Variants in PHF14 observed in about 807,000 individuals in gnomAD.
The protein encoded by PHF14 is PHD finger protein 14.
PHF14 carries 55 observed loss-of-function variants against 117.9 expected under a neutral mutation model. The observed-to-expected ratio is 0.47, with a 90% CI of 0.38 to 0.58. The LOEUF (loss-of-function observed/expected upper bound fraction) is 0.58. PHF14 is among the 20% of genes least tolerant of loss of function. PHF14 has a pLI of 0.00. For synonymous variants in PHF14, 409 were observed against 368.6 expected, an observed-to-expected ratio of 1.11 and a Z score of -1.26; for missense variants, 978 against 1,122.2, an observed-to-expected ratio of 0.87 and a Z score of 1.84.
At chr7:11,154,730 T>A (rs186778984) in intron 17 of PHF14, among the ~76,000 whole-genome samples, 19 of 152,278 alleles carry the variant, frequency 1.2e-4, no homozygotes, top group African/African-American at 4.3e-4. Flanking sequence ...AAAATGCTAA[T>A]CAGATGCCCG....
At chr7:11,096,429 A>G (rs1786869843) in intron 16 of PHF14, among the ~76,000 whole-genome samples, 1 of 152,176 alleles carries the variant, frequency 6.6e-6, no homozygotes, top group African/African-American at 2.4e-5. Flanking sequence ...ACTAGCATCA[A>G]ATATATTTTT....
intron 16 of PHF14, among the ~76,000 whole-genome samples, chr7:11,092,006 A>T (rs1016217619): frequency 6.6e-6 from 1 of 152,156 alleles, no homozygotes; most frequent in Admixed American, 6.5e-5. Flanking sequence ...ACTCCAGAGA[A>T]ATTTAATTAC....
intron 5 of PHF14, among the ~76,000 whole-genome samples, chr7:11,015,815 G>A (rs1783515074): frequency 6.7e-6 from 1 of 149,792 alleles, no homozygotes; most frequent in South Asian, 2.1e-4. Flanking sequence ...ATTAGCTCAT[G>A]CATAGATTTT....
intron 7 of PHF14, among the ~76,000 whole-genome samples, chr7:11,032,649 G>A (rs1184020546): frequency 2.0e-5 from 3 of 152,174 alleles, no homozygotes; most frequent in Non-Finnish European, 4.4e-5. Context: ...GGGCATTCCA[G>A]TTTGCCACAG....
At chr7:11,155,200 A>G (rs1273181782) in intron 17 of PHF14, among the ~76,000 whole-genome samples, 3 of 152,178 alleles carry the variant, frequency 2.0e-5, no homozygotes, top group African/African-American at 7.2e-5. Context: ...CATTTTATAG[A>G]TGAGAAAACT....
At chr7:10,977,895 A>G (rs1249751723) in intron 2 of PHF14, among the ~76,000 whole-genome samples, 1 of 152,174 alleles carries the variant, frequency 6.6e-6, no homozygotes, top group Non-Finnish European at 1.5e-5. Context: ...TGGGTGTATG[A>G]TAGGAGACTT....
rs572767682 is a variant in PHF14, at chr7:11,057,138, G to C, written c.2482-4653G>C. On this transcript the variant is annotated intron_variant, in intron 14 of 17. Coordinates refer to ENST00000634607, the MANE Select transcript of PHF14 (RefSeq NM_001007157.2). ...GTTAAATTTAGTGACCTGGTCACAAGTGAATATGTGAAGCCTAGTTTACTG... is the reference window on the plus strand; with the variant it reads ...GTTAAATTTAGTGACCTGGTCACAACTGAATATGTGAAGCCTAGTTTACTG... Among the ~76,000 whole-genome samples, 146 of 152,256 alleles carry C rather than the reference G, an allele frequency of 9.6e-4. 1 individual carries two copies. The highest frequency in any genetic ancestry group is 3.1e-3 in the African/African-American group (130 of 41,556).
intron 16 of PHF14, among the ~76,000 whole-genome samples, chr7:11,065,052 G>A (rs1785378395): frequency 6.6e-6 from 1 of 151,966 alleles, no homozygotes; most frequent in Middle Eastern, 3.2e-3. Flanking sequence ...TACATGTCCT[G>A]TTGTATATAA....
intron 17 of PHF14, among the ~76,000 whole-genome samples, chr7:11,161,698 A>AAAAATATTATATTTTATTTAAAT (rs1789033172): frequency 6.8e-6 from 1 of 147,926 alleles, no homozygotes; most frequent in African/African-American, 2.5e-5. Flanking sequence ...TTATTTAAAT[A>AAAAATATTATATTTTATTTAAAT]AAAATATTAT....
At chr7:11,166,639 A>G (rs1789208909) in intron 17 of PHF14, among the ~76,000 whole-genome samples, 2 of 152,170 alleles carry the variant, frequency 1.3e-5, no homozygotes, top group African/African-American at 4.8e-5. Context: ...TGTTATTTTG[A>G]TAATGTTATA....
intron 17 of PHF14, among the ~76,000 whole-genome samples, chr7:11,129,645 A>G (rs1788034411): frequency 6.7e-6 from 1 of 150,160 alleles, no homozygotes; most frequent in East Asian, 2.0e-4. Context: ...CTACCAATAT[A>G]TTAGCAATAG....
At chr7:11,078,575 TAAGAA>T (rs1479336851) in intron 16 of PHF14, among the ~76,000 whole-genome samples, 3 of 152,144 alleles carry the variant, frequency 2.0e-5, no homozygotes, top group Non-Finnish European at 4.4e-5. Flanking sequence ...CTTCAGAAGT[TAAGAA>T]GAGAAAGAAA....
intron 16 of PHF14, among the ~76,000 whole-genome samples, chr7:11,101,817 G>C (rs1204410302): frequency 6.6e-6 from 1 of 151,782 alleles, no homozygotes; most frequent in Non-Finnish European, 1.5e-5. Context: ...CTAAATGTTT[G>C]AAGGAAATGA....
intron 7 of PHF14, among the ~76,000 whole-genome samples, chr7:11,033,415 T>C (rs975643834): frequency 2.0e-5 from 3 of 152,130 alleles, no homozygotes; most frequent in South Asian, 2.1e-4. Flanking sequence ...TTCTTCCTCA[T>C]TGGAAGTAGC....
intron 14 of PHF14, among the ~76,000 whole-genome samples, chr7:11,059,835 A>G (rs1183765060): frequency 6.6e-6 from 1 of 152,178 alleles, no homozygotes; most frequent in Non-Finnish European, 1.5e-5. Flanking sequence ...GTACCAAATT[A>G]GGGAAAAATA....
chr7:11,028,932 CT>C (rs1784023329), intron 7 of PHF14, 114 bp downstream of exon 7: 1 of 882,942 alleles, frequency 1.1e-6, no homozygotes, highest in Admixed American at 3.2e-5. Context: ...TCTTAAAGTT[CT>C]TGCCAAGATC....
At chr7:11,138,234 G>T (rs536334361) in intron 17 of PHF14, among the ~76,000 whole-genome samples, 71 of 151,744 alleles carry the variant, frequency 4.7e-4, no homozygotes, top group Non-Finnish European at 4.4e-4. Flanking sequence ...GTAGAGGCAG[G>T]GTTTCACCGC....
At chr7:11,133,052 TAAAG>T (rs1331262828) in intron 17 of PHF14, among the ~76,000 whole-genome samples, 3 of 151,760 alleles carry the variant, frequency 2.0e-5, no homozygotes, top group Non-Finnish European at 2.9e-5. Flanking sequence ...ATAAAAGAAA[TAAAG>T]AACTAAATAA....
intron 17 of PHF14, among the ~76,000 whole-genome samples, chr7:11,157,796 G>A (rs1395002703): frequency 2.0e-5 from 3 of 152,158 alleles, no homozygotes; most frequent in Non-Finnish European, 4.4e-5. Context: ...ATAGTGTGGA[G>A]TCTGTAATGA....
Sources: gnomAD v4.1 joint callset for allele counts (sites outside exome capture counted in the v4.1 genomes callset) on GRCh38, gnomAD v4.1.1 for gene constraint, MANE v1.5 for transcripts, NCBI Gene and HGNC (gene_info 2026-07-23, HGNC 2026-07-21) for gene names.